TNFSF4: variants seen among roughly 807,000 people sequenced by gnomAD.
The protein encoded by TNFSF4 is TNF superfamily member 4.
TNFSF4 carries 4 observed loss-of-function variants against 7.3 expected under a neutral mutation model. That is an observed-to-expected ratio of 0.55 (90% CI 0.27 to 1.25). The LOEUF (loss-of-function observed/expected upper bound fraction) is 1.25. Ranked by LOEUF, TNFSF4 falls within the 50% of genes most tolerant of loss-of-function variation. The pLI is 0.12. For synonymous variants in TNFSF4, 76 were observed against 83.7 expected (o/e 0.91, Z 0.50); for missense variants, 181 against 208.8 (o/e 0.87, Z 0.82).
the TNFSF4 span, among the ~76,000 whole-genome samples, chr1:173,261,281 G>A: frequency 1.3e-5 from 2 of 152,156 alleles, no homozygotes; most frequent in Non-Finnish European, 2.9e-5. Context: ...TGAAACTAGT[G>A]AGAACAAAGA....
the TNFSF4 span, among the ~76,000 whole-genome samples, chr1:173,419,175 CAA>C: frequency 1.3e-5 from 2 of 151,514 alleles, no homozygotes; most frequent in African/African-American, 4.8e-5. Context: ...CCATCTCTAC[CAA>C]AAAAATACAA....
At chr1:173,190,558 A>C (rs1649434004) in intron 1 of TNFSF4, among the ~76,000 whole-genome samples, 1 of 152,202 alleles carries the variant, frequency 6.6e-6, no homozygotes, top group Non-Finnish European at 1.5e-5. Context: ...AGAGGCACTG[A>C]CTTGGGTAGA....
the TNFSF4 span, among the ~76,000 whole-genome samples, chr1:173,387,126 T>C: frequency 2.6e-5 from 4 of 152,332 alleles, no homozygotes; most frequent in Middle Eastern, 3.4e-3. Context: ...GTGTGGGCTA[T>C]TGGGATGCAA....
the TNFSF4 span, among the ~76,000 whole-genome samples, chr1:173,234,979 A>G: frequency 2.6e-5 from 4 of 152,150 alleles, no homozygotes; most frequent in East Asian, 1.9e-4. Flanking sequence ...GCTAAGATCT[A>G]TATCTTGCAG....
chr1:173,333,442 G>T, the TNFSF4 span, among the ~76,000 whole-genome samples: 1 of 152,056 alleles, frequency 6.6e-6, no homozygotes, highest in Non-Finnish European at 1.5e-5. Flanking sequence ...ACTGAATGTT[G>T]GTATCCCCCA....
downstream of TNFSF4, among the ~76,000 whole-genome samples, chr1:173,179,147 C>T (rs1181446345): frequency 5.3e-5 from 8 of 152,160 alleles, no homozygotes; most frequent in African/African-American, 1.9e-4. Context: ...TTTTAAGCCA[C>T]TTCGTTCGTG....
At chr1:173,392,361 A>T in the TNFSF4 span, among the ~76,000 whole-genome samples, 1 of 152,252 alleles carries the variant, frequency 6.6e-6, no homozygotes, top group Non-Finnish European at 1.5e-5. Context: ...TGAAGAAAGA[A>T]ACCCAGAAAA....
chr1:173,428,996 G>T, the TNFSF4 span, among the ~76,000 whole-genome samples: 1 of 151,048 alleles, frequency 6.6e-6, no homozygotes, highest in Non-Finnish European at 1.5e-5. Flanking sequence ...GACAGAGCAA[G>T]ACTCTGTCTA....
At chr1:173,290,593 G>A in the TNFSF4 span, among the ~76,000 whole-genome samples, 5 of 151,950 alleles carry the variant, frequency 3.3e-5, no homozygotes, top group African/African-American at 9.7e-5. Flanking sequence ...TTCATAAAAC[G>A]AATTCTTAGA....
the TNFSF4 span, among the ~76,000 whole-genome samples, chr1:173,412,925 G>A: frequency 6.6e-6 from 1 of 152,136 alleles, no homozygotes; most frequent in East Asian, 1.9e-4. Context: ...CAATAAAAAA[G>A]GGGGTGGGAA....
chr1:173,288,195 C>T, the TNFSF4 span, among the ~76,000 whole-genome samples: 1 of 152,104 alleles, frequency 6.6e-6, no homozygotes, highest in Non-Finnish European at 1.5e-5. Flanking sequence ...CCTGTAATCC[C>T]AAATCCCAGC....
chr1:173,289,844 A>G, the TNFSF4 span, among the ~76,000 whole-genome samples: 1 of 152,140 alleles, frequency 6.6e-6, no homozygotes, highest in African/African-American at 2.4e-5. Flanking sequence ...CTAAGTACCA[A>G]GATAGAAAAA....
At chr1:173,210,375 A>G (rs1308183088), upstream of TNFSF4, among the ~76,000 whole-genome samples, 1 of 152,096 alleles carries the variant, frequency 6.6e-6, no homozygotes, top group East Asian at 1.9e-4. Flanking sequence ...TTGATCTGGG[A>G]GAAACGAGAA....
the TNFSF4 span, among the ~76,000 whole-genome samples, chr1:173,390,266 C>T: frequency 6.6e-6 from 1 of 152,238 alleles, no homozygotes; most frequent in Non-Finnish European, 1.5e-5. Flanking sequence ...TCTAGTTCTC[C>T]CTGTTCACTA....
intron 1 of TNFSF4, among the ~76,000 whole-genome samples, chr1:173,192,104 G>A (rs1340588946): frequency 6.6e-6 from 1 of 152,162 alleles, no homozygotes; most frequent in Non-Finnish European, 1.5e-5. Context: ...TTGAACCCAG[G>A]AGACAGAGGT....
At chr1:173,202,202 A>T (rs900141054) in intron 1 of TNFSF4, among the ~76,000 whole-genome samples, 2 of 151,996 alleles carry the variant, frequency 1.3e-5, no homozygotes, top group Admixed American at 6.6e-5. Flanking sequence ...GAACAGAGAG[A>T]TTGTATCCCT....
chr1:173,300,263 T>C, the TNFSF4 span, among the ~76,000 whole-genome samples: 4 of 151,772 alleles, frequency 2.6e-5, no homozygotes, highest in South Asian at 6.2e-4. Flanking sequence ...AGCCCTAGAG[T>C]CCTTCCTCTT....
At chr1:173,186,955 G>A in intron 2 of TNFSF4, 90 bp from the exon 3 acceptor site, 1 of 848,528 alleles carries the variant, frequency 1.2e-6, no homozygotes, top group East Asian at 2.6e-5. Context: ...CAGATGAAGA[G>A]AAAGTGATAG....
chr1:173,357,697 A>G, the TNFSF4 span, among the ~76,000 whole-genome samples: 5 of 151,908 alleles, frequency 3.3e-5, no homozygotes, highest in African/African-American at 1.2e-4. Flanking sequence ...ACACCTAGCT[A>G]ATTTTTGTAT....
Sources: gnomAD v4.1 joint callset for allele counts (sites outside exome capture counted in the v4.1 genomes callset) on GRCh38, gnomAD v4.1.1 for gene constraint, MANE v1.5 for transcripts, NCBI Gene and HGNC (gene_info 2026-07-23, HGNC 2026-07-21) for gene names.